KPTN: variants seen among roughly 807,000 people sequenced by gnomAD.
The protein encoded by KPTN is KICSTOR complex protein kaptin.
A neutral mutation model predicts 52.6 loss-of-function variants in KPTN; 36 were observed. The observed-to-expected ratio is 0.68, with a 90% CI of 0.52 to 0.90. KPTN has a LOEUF of 0.90. Ranked by LOEUF, KPTN falls within the 40% of genes least tolerant of loss-of-function variation. The pLI, the probability that KPTN is intolerant of heterozygous loss-of-function variation, is 0.00. For synonymous variants in KPTN, 271 were observed against 248.4 expected (o/e 1.09, Z -0.85); for missense variants, 529 against 576.2 (o/e 0.92, Z 0.84).
At chr19:47,477,889 G>A (rs574290290) in intron 8 of KPTN, 108 bp from the exon 9 acceptor site, 4 of 690,888 alleles carry the variant, frequency 5.8e-6, no homozygotes, top group East Asian at 3.1e-5. Context: ...ATAAAACCCC[G>A]CCTCTACTAA....
At chr19:47,483,245 G>A (rs1396231062) in intron 3 of KPTN, 30 bp from the exon 4 acceptor site, 3 of 1,613,018 alleles carry the variant, frequency 1.9e-6, no homozygotes, top group Non-Finnish European at 2.5e-6. Context: ...AGGTTAGCAT[G>A]GGGGACCTGC....
chr19:47,483,824 A>G (rs1688030186), intron 1 of KPTN, 111 bp downstream of exon 1: 1 of 1,459,468 alleles, frequency 6.9e-7, no homozygotes, highest in African/African-American at 1.4e-5. Context: ...CCCCCTTAAA[A>G]CCACCTGATC....
Position 47,480,286 on chromosome 19 carries a change from C to G in KPTN, c.709+12G>C, listed in dbSNP as rs1179317361. 1 of 1,534,702 alleles carries G rather than the reference C, an allele frequency of 6.5e-7. No homozygotes were observed. The highest frequency in any genetic ancestry group is 8.8e-7 in the Non-Finnish European group (1 of 1,133,666). On this transcript the variant is annotated intron_variant, in intron 7 of 11. Coordinates refer to ENST00000338134, the MANE Select transcript of KPTN (RefSeq NM_007059.4). ...AACCCCACCCCTTACCCCGCCTCAC[C>G]GCGGCCCTCACCTCGACTCCGCTGG...
chr19:47,475,666 G>C (rs1335395568), intron 11 of KPTN, 122 bp from the exon 12 acceptor site: 2 of 1,148,500 alleles, frequency 1.7e-6, no homozygotes, highest in Non-Finnish European at 2.5e-6. Flanking sequence ...AGGGCAGAGA[G>C]CAGACCACAG....
intron 2 of KPTN, 36 bp from the exon 3 acceptor site, chr19:47,483,415 G>A (rs778919072): frequency 2.3e-5 from 37 of 1,604,806 alleles, no homozygotes; most frequent in Non-Finnish European, 2.9e-5. Context: ...GAGGGCAGGG[G>A]TGGCAGGAGG....
rs200121451 is a variant in KPTN at position 47,475,478 on chromosome 19, G to A, written c.1249C>T (p.Arg417Cys). ...CCGTCCTCCAACCCCTGTAGCCGAC[G>A]TCTCCTCTGCTCCACTTGATGTCGA... Reference protein sequence around the residue: ...RLRHQVEQRRRRLQGLEDGAG... With the variant: ...RLRHQVEQRRCRLQGLEDGAG... Residue 417 changes from arginine (R) to cysteine (C), a missense_variant, in exon 12 of 12, where the codon CGT becomes TGT. Coordinates refer to ENST00000338134, the MANE Select transcript of KPTN (RefSeq NM_007059.4). 1.3e-4 allele frequency: 208 copies of A among 1,613,374 alleles called. 1 individual carries two copies. The highest frequency in any genetic ancestry group is 1.6e-4 in the Non-Finnish European group (193 of 1,179,570).
At chr19:47,485,726 C>T (rs1034055293), upstream of KPTN, among the ~76,000 whole-genome samples, 1 of 152,150 alleles carries the variant, frequency 6.6e-6, no homozygotes, top group Admixed American at 6.5e-5. Context: ...GACTGGATAA[C>T]GGAGGTGGCA....
chr19:47,485,518 G>T (rs1483205845), upstream of KPTN, among the ~76,000 whole-genome samples: 1 of 152,176 alleles, frequency 6.6e-6, no homozygotes, highest in Non-Finnish European at 1.5e-5. Context: ...CAGCTGTCCT[G>T]GACACCTCGA....
chr19:47,482,492 A>AG (rs1360731266), intron 4 of KPTN, among the ~76,000 whole-genome samples: 3 of 150,772 alleles, frequency 2.0e-5, no homozygotes, highest in Admixed American at 1.3e-4. Context: ...AAAAAAAAAA[A>AG]AAAGAAAGAA....
chr19:47,480,504 G>T (rs1967840512), intron 6 of KPTN, 97 bp from the exon 7 acceptor site: 1 of 897,400 alleles, frequency 1.1e-6, no homozygotes, highest in Non-Finnish European at 1.7e-6. Context: ...CTGTAGCCCT[G>T]GGACCCTGCT....
At chr19:47,482,496 G>GAAAAA (rs1446340928) in intron 4 of KPTN, among the ~76,000 whole-genome samples, 1 of 143,154 alleles carries the variant, frequency 7.0e-6, no homozygotes, top group Non-Finnish European at 1.5e-5. Flanking sequence ...AAAAAAAAAA[G>GAAAAA]AAAGAAAAAA....
In KPTN at chr19:47,476,636, G is replaced by A. The variant is rs370453813; in HGVS notation, c.1078C>T (p.Arg360Trp). 7.8e-5 allele frequency: 125 copies of A among 1,612,400 alleles called. No individual in the cohort carries two copies. The highest frequency in any genetic ancestry group is 9.8e-5 in the Non-Finnish European group (116 of 1,179,732). Residue 360 changes from arginine to tryptophan, a missense_variant, in exon 11 of 12, where the codon CGG becomes TGG. Transcript: ENST00000338134. Reference protein sequence around the residue: ...AQHGFHLLWQRSFSSPLLAMA... With the variant: ...AQHGFHLLWQWSFSSPLLAMA... ...GCCAGCAGGGGACTGGAGAAGCTCC[G>A]CTGCCACAGCAGATGGAACCCGTGC...
chr19:47,483,438 C>T, intron 2 of KPTN, 59 bp from the exon 3 acceptor site: 2 of 1,594,080 alleles, frequency 1.3e-6, no homozygotes, highest in Non-Finnish European at 1.7e-6. Flanking sequence ...TCCGGGGCGG[C>T]TCAGTGGAAC....
chr19:47,482,480 C>CAAAAAAAAAAAAAAAAA (rs774530971), intron 4 of KPTN, among the ~76,000 whole-genome samples: 3 of 70,150 alleles, frequency 4.3e-5, no homozygotes, highest in Admixed American at 1.6e-4. Flanking sequence ...GCATCTATCT[C>CAAAAAAAAAAAAAAAAA]AAAAAAAAAA....
chr19:47,483,077 G>A (rs1006804325), intron 4 of KPTN, 84 bp downstream of exon 4: 1 of 1,260,978 alleles, frequency 7.9e-7, no homozygotes, highest in Non-Finnish European at 1.2e-6. Flanking sequence ...AGACTACAGG[G>A]GTCTGTAAGT....
rs766068554 is a variant in KPTN, at chr19:47,483,501, C to T, written c.309+1G>A. Reference sequence around the variant, plus strand: ...AGGGAGGTGGAGGGGGCTCTAGGTACCTTGATGAACGTGATCCCCACAACC... The same window carrying T: ...AGGGAGGTGGAGGGGGCTCTAGGTATCTTGATGAACGTGATCCCCACAACC... On this transcript the variant is annotated splice_donor_variant, in intron 2 of 11. Transcript: ENST00000338134. LOFTEE classifies it high-confidence loss of function. 3.1e-6 allele frequency: 5 copies of T among 1,595,652 alleles called. No homozygotes were observed. Among genetic ancestry groups the T allele is most frequent in the East Asian group, 2.3e-5 (1 of 44,020 alleles).
At chr19:47,484,935 G>A (rs1968027244), upstream of KPTN, among the ~76,000 whole-genome samples, 1 of 152,052 alleles carries the variant, frequency 6.6e-6, no homozygotes, top group African/African-American at 2.4e-5. Flanking sequence ...CCTGACCTCA[G>A]GTGATCCGCC....
At chr19:47,475,678 G>T in intron 11 of KPTN, 134 bp from the exon 12 acceptor site, 1 of 1,021,328 alleles carries the variant, frequency 9.8e-7, no homozygotes, top group Non-Finnish European at 1.4e-6. Context: ...AGACCACAGT[G>T]TGTGGGATGG....
Position 47,482,678 on chromosome 19 carries a change from A to G in KPTN, c.449+483T>C, listed in dbSNP as rs1967924769. Among the ~76,000 whole-genome samples, 5 of 152,124 alleles carry G rather than the reference A, an allele frequency of 3.3e-5. No individual in the cohort carries two copies. In the South Asian group the frequency reaches 1.0e-3, roughly 32 times the overall value. On this transcript the variant is annotated intron_variant, in intron 4 of 11. Coordinates refer to ENST00000338134, the MANE Select transcript of KPTN (RefSeq NM_007059.4). The stretch of plus-strand genomic sequence containing the variant: ...TCTCACATGACCTCTCTGGTCCCCA[A>G]AGGCATTTTAGTTTAATTTCATTTT...
Sources: allele counts gnomAD v4.1 joint callset (sites outside exome capture counted in the v4.1 genomes callset), GRCh38; gene constraint gnomAD v4.1.1; transcripts MANE v1.5; gene names NCBI Gene and HGNC (gene_info 2026-07-23, HGNC 2026-07-21).